The following ABCA4 variants were observed in gnomAD, a reference collection of about 807,000 sequenced individuals.
The protein encoded by ABCA4 is ATP binding cassette subfamily A member 4, also known as retinal-specific phospholipid-transporting ATPase ABCA4.
Under a neutral mutation model 263.7 loss-of-function variants are expected in ABCA4, and 196 were observed. The ratio of observed to expected loss-of-function variants is 0.74; its 90% CI spans 0.66 to 0.84. The LOEUF is 0.84. Among genes scored for constraint, ABCA4 ranks in the 40% least tolerant of loss-of-function variants. The probability of loss-of-function intolerance (pLI) is 0.00; values close to 1 mark genes in which losing one functional copy is unlikely to be tolerated. For missense variants in ABCA4, 2,792 were observed against 2,855.1 expected, an observed-to-expected ratio of 0.98 and a Z score of 0.50; for synonymous variants, 1,133 against 1,094.2, an observed-to-expected ratio of 1.04 and a Z score of -0.70.
At chr1:94,032,603 CCAGCCTGGGTGACAGAG>C (rs1481415349) in intron 26 of ABCA4, among the ~76,000 whole-genome samples, 6 of 152,314 alleles carry the variant, frequency 3.9e-5, no homozygotes, top group African/African-American at 1.4e-4. Flanking sequence ...AGACTGCACT[CCAGCCTGGGTGACAGAG>C]CAAGACTCCT....
chr1:94,120,887 G>GCCCCCCCCCCCCCCCCCCCCCCC, intron 1 of ABCA4, 93 bp downstream of exon 1: 1 of 339,360 alleles, frequency 2.9e-6, no homozygotes, highest in Non-Finnish European at 5.3e-6. Context: ...CCCCCACCCT[G>GCCCCCCCCCCCCCCCCCCCCCCC]CCCCACCACC....
At chr1:94,101,224 C>A (rs1209166060) in intron 5 of ABCA4, among the ~76,000 whole-genome samples, 1 of 152,250 alleles carries the variant, frequency 6.6e-6, no homozygotes, top group African/African-American at 2.4e-5. Flanking sequence ...TTATCTTCAT[C>A]TCCCTTTTAT....
chr1:93,997,122 A>G (rs1224828244), intron 48 of ABCA4, among the ~76,000 whole-genome samples: 1 of 152,262 alleles, frequency 6.6e-6, no homozygotes, highest in Non-Finnish European at 1.5e-5. Context: ...CTGTGCACTT[A>G]AACATGGTTG....
chr1:94,103,166 C>G (rs909518443), intron 4 of ABCA4, 24 bp from the exon 5 acceptor site: 1 of 1,613,096 alleles, frequency 6.2e-7, no homozygotes, highest in Admixed American at 1.7e-5. Context: ...AGAGAAAGAA[C>G]AGGGTGTTGA....
At chr1:94,117,518 G>T (rs3789448) in intron 1 of ABCA4, among the ~76,000 whole-genome samples, 5,856 of 152,164 alleles carry the variant, frequency 0.038, 215 homozygotes, top group East Asian at 0.15. Context: ...TGGGATGAAG[G>T]GATGACACCA....
intron 30 of ABCA4, among the ~76,000 whole-genome samples, chr1:94,027,924 A>G (rs1660084949): frequency 6.6e-6 from 1 of 152,224 alleles, no homozygotes; most frequent in Non-Finnish European, 1.5e-5. Flanking sequence ...GAGAAAGAGA[A>G]TAGAACATCG....
intron 1 of ABCA4, among the ~76,000 whole-genome samples, chr1:94,116,561 C>T (rs988468074): frequency 3.3e-4 from 50 of 151,826 alleles, no homozygotes; most frequent in African/African-American, 1.0e-3. Flanking sequence ...TTGTTTTTGG[C>T]GGGGGGCGGG....
At chr1:94,068,385 A>G (rs936302093) in intron 11 of ABCA4, among the ~76,000 whole-genome samples, 8 of 152,246 alleles carry the variant, frequency 5.3e-5, no homozygotes, top group Non-Finnish European at 1.2e-4. Context: ...CACCCTCTGA[A>G]GTATGAGTCA....
At chr1:94,029,220 AG>A (rs1660127768) in intron 30 of ABCA4, among the ~76,000 whole-genome samples, 1 of 152,118 alleles carries the variant, frequency 6.6e-6, no homozygotes, top group Non-Finnish European at 1.5e-5. Flanking sequence ...TCAAATAGGA[AG>A]TATCTGGTGG....
chr1:94,054,084 C>A (rs988958367), intron 16 of ABCA4, among the ~76,000 whole-genome samples: 5 of 152,198 alleles, frequency 3.3e-5, no homozygotes, highest in African/African-American at 9.6e-5. Flanking sequence ...GCTCTAGTTA[C>A]CAGAAAATGC....
At chr1:94,066,943 A>G (rs1661283251) in intron 11 of ABCA4, among the ~76,000 whole-genome samples, 1 of 152,206 alleles carries the variant, frequency 6.6e-6, no homozygotes, top group South Asian at 2.1e-4. Flanking sequence ...CTTTTAATTA[A>G]TTTAAATTTA....
rs776180321 is a variant in ABCA4 at position 94,031,781 on chromosome 1, C to T, written c.4125G>A (p.Ala1375=). ...HTIRSHKDFL[A]QIVLPATFVF... ...AAACACCGACCGACAATAGTACCTG[C>T]GCCAGGAAGTCCTTGTGGCTGCGGA... Residue 1375 remains alanine, a synonymous_variant, in exon 27 of 50, where the codon GCG becomes GCA. Coordinates refer to ENST00000370225, the MANE Select transcript of ABCA4 (RefSeq NM_000350.3). 5.5e-5 allele frequency: 89 copies of T among 1,613,470 alleles called. 2 individuals are homozygous for T. Among genetic ancestry groups the T allele is most frequent in the Middle Eastern group, 5.4e-4 (3 of 5,596 alleles).
intron 4 of ABCA4, among the ~76,000 whole-genome samples, chr1:94,107,923 T>A (rs538929419): frequency 6.6e-6 from 1 of 152,146 alleles, no homozygotes; most frequent in South Asian, 2.1e-4. Context: ...CCCCAGTCCA[T>A]TTCCGTGCTC....
chr1:94,000,712 C>T, intron 47 of ABCA4, 124 bp downstream of exon 47: 1 of 1,025,110 alleles, frequency 9.8e-7, no homozygotes, highest in Non-Finnish European at 1.5e-6. Flanking sequence ...TGAGGCCCAG[C>T]CACCACCTGC....
chr1:94,041,284 G>A lies in ABCA4; in HGVS notation c.3447C>T (p.Asn1149=), dbSNP rs774320331. 5.6e-6 allele frequency: 9 copies of A among 1,614,042 alleles called. No individual in the cohort carries two copies. The highest frequency in any genetic ancestry group is 7.6e-6 in the Non-Finnish European group (9 of 1,180,042). The change falls in exon 23 of 50, where the codon AAC becomes AAT. Residue 1149 remains asparagine, a synonymous_variant. Coordinates refer to ENST00000370225, the MANE Select transcript of ABCA4 (RefSeq NM_000350.3). ...YCSGTPLFLK[N]CFGTGLYLTL... Reference sequence around the variant, plus strand: ...TTAAGTACAAGCCTGTGCCAAAGCAGTTCTTCAGGAAGAGTGGGGTGCCTG... The same window carrying A: ...TTAAGTACAAGCCTGTGCCAAAGCAATTCTTCAGGAAGAGTGGGGTGCCTG...
intron 20 of ABCA4, among the ~76,000 whole-genome samples, chr1:94,044,338 G>A (rs1000077058): frequency 1.3e-5 from 2 of 152,256 alleles, no homozygotes; most frequent in Non-Finnish European, 2.9e-5. Flanking sequence ...CAAGGGGCTC[G>A]GGGATCGATC....
chr1:94,039,685 T>C (rs1420858177), intron 24 of ABCA4, among the ~76,000 whole-genome samples: 1 of 152,168 alleles, frequency 6.6e-6, no homozygotes, highest in Non-Finnish European at 1.5e-5. Flanking sequence ...TCACCATGCT[T>C]CCACTAGAGG....
At chr1:94,116,151 C>G (rs185294778) in intron 1 of ABCA4, among the ~76,000 whole-genome samples, 37 of 152,362 alleles carry the variant, frequency 2.4e-4, no homozygotes, top group South Asian at 8.3e-4. Flanking sequence ...AAGGCCTCCT[C>G]TCAGGAGTAG....
At chr1:94,033,793 G>A (rs182784030) in intron 26 of ABCA4, among the ~76,000 whole-genome samples, 55 of 152,140 alleles carry the variant, frequency 3.6e-4, no homozygotes, top group African/African-American at 1.1e-3. Context: ...TCAGAGGGGC[G>A]AAGTTCTGCA....
Sources: allele counts gnomAD v4.1 joint callset (sites outside exome capture counted in the v4.1 genomes callset), GRCh38; gene constraint gnomAD v4.1.1; transcripts MANE v1.5; gene names NCBI Gene and HGNC (gene_info 2026-07-23, HGNC 2026-07-21).